DUSP19: variants seen among roughly 807,000 people sequenced by gnomAD.
The protein encoded by DUSP19 is dual specificity phosphatase 19.
A neutral mutation model predicts 16.6 loss-of-function variants in DUSP19; 14 were observed. The ratio of observed to expected loss-of-function variants is 0.84; its 90% CI spans 0.56 to 1.32. DUSP19 has a LOEUF of 1.32. DUSP19 is among the 40% of genes most tolerant of loss of function. The pLI, the probability that DUSP19 is intolerant of heterozygous loss-of-function variation, is 0.00. For synonymous variants in DUSP19, 81 were observed against 90.5 expected (o/e 0.90, Z 0.59); for missense variants, 258 against 255.9 (o/e 1.01, Z -0.06).
At chr2:183,094,869 T>C (rs1011529657) in intron 3 of DUSP19, among the ~76,000 whole-genome samples, 7 of 152,236 alleles carry the variant, frequency 4.6e-5, no homozygotes, top group African/African-American at 1.7e-4. Context: ...CTAAGTATAC[T>C]CTGGAGTATT....
At chr2:183,090,009 A>G (rs915678241) in intron 3 of DUSP19, among the ~76,000 whole-genome samples, 5 of 152,188 alleles carry the variant, frequency 3.3e-5, no homozygotes, top group African/African-American at 1.2e-4. Context: ...CCTGACGTCA[A>G]GTGATCCACC....
At chr2:183,088,449 A>T (rs1699691723) in intron 3 of DUSP19, among the ~76,000 whole-genome samples, 1 of 117,158 alleles carries the variant, frequency 8.5e-6, no homozygotes, top group Non-Finnish European at 1.7e-5. Context: ...CTCTGTCGCC[A>T]GGCTGGAGTG....
rs1329796752 is a variant in DUSP19 at position 183,097,011 on chromosome 2, A to G, written c.*1353A>G. The G allele has an allele frequency of 6.7e-6, 1 of 150,038 alleles. No homozygotes were observed. The highest frequency in any genetic ancestry group is 2.4e-5 in the African/African-American group (1 of 40,848). The allele number at this position is 150,038 out of a possible 1,614,324, so 9.3% of individuals were successfully genotyped here. A position where few individuals can be genotyped will look rare whatever the true frequency, so the allele number is the denominator to read the frequency against. ...ATACTTAAAATTAATTAATTAAGAC[A>G]GTTTCTTTTTTCTTTTCTTTTTTTT... On this transcript the variant is annotated 3_prime_UTR_variant, in exon 4 of 4. Coordinates refer to ENST00000354221, the MANE Select transcript of DUSP19 (RefSeq NM_080876.4).
At chr2:183,088,686 G>A (rs555759974) in intron 3 of DUSP19, among the ~76,000 whole-genome samples, 1 of 152,194 alleles carries the variant, frequency 6.6e-6, no homozygotes, top group Non-Finnish European at 1.5e-5. Flanking sequence ...GCCTCCCAAA[G>A]TGCTAGGATT....
rs1023006170 is a variant in DUSP19, at chr2:183,085,857, T to G, written c.274-1183T>G. Among the ~76,000 whole-genome samples, 192 of 106,858 alleles carry G rather than the reference T, an allele frequency of 1.8e-3. 11 individuals carry two copies. The highest frequency in any genetic ancestry group is 3.1e-3 in the African/African-American group (91 of 29,668). 70.1% of individuals were successfully genotyped at this position (106,858 alleles called of 152,430 possible). On this transcript the variant is annotated intron_variant, in intron 2 of 3. Transcript: ENST00000354221. ...GGACAAGGTTGTTAGGTTTTTTTTTTTTTTTTTTTTTTTTTTTTTTTTTTT... is the reference window on the plus strand; with the variant it reads ...GGACAAGGTTGTTAGGTTTTTTTTTGTTTTTTTTTTTTTTTTTTTTTTTTT...
In DUSP19 at chr2:183,098,473, A is replaced by T. The variant is rs1699832760; in HGVS notation, c.*2815A>T. The T allele has an allele frequency of 6.6e-6, 1 of 152,182 alleles. No homozygotes were observed. The highest frequency in any genetic ancestry group is 6.5e-5 in the Admixed American group (1 of 15,272). 9.4% of individuals were successfully genotyped at this position (152,182 alleles called of 1,614,324 possible). ...TCACTCTGTCATTCCTAGTTATTTTAAAAAAAGAACTTTATGATTACGGTC... is the reference window on the plus strand; with the variant it reads ...TCACTCTGTCATTCCTAGTTATTTTTAAAAAAGAACTTTATGATTACGGTC... On this transcript the variant is annotated 3_prime_UTR_variant, in exon 4 of 4. Transcript: ENST00000354221.
intron 3 of DUSP19, among the ~76,000 whole-genome samples, chr2:183,092,541 T>G (rs1414100876): frequency 6.6e-6 from 1 of 152,098 alleles, no homozygotes; most frequent in Non-Finnish European, 1.5e-5. Context: ...GGCTTCCAGC[T>G]CCATCTGTGT....
intron 1 of DUSP19, 95 bp from the exon 2 acceptor site, chr2:183,083,413 C>CTT: frequency 1.8e-5 from 20 of 1,102,222 alleles, no homozygotes; most frequent in East Asian, 5.9e-5. Flanking sequence ...AGTTGTTGGT[C>CTT]TTTTTTTTTT....
chr2:183,086,564 T>A (rs1328171881), intron 2 of DUSP19, among the ~76,000 whole-genome samples: 1 of 145,186 alleles, frequency 6.9e-6, no homozygotes, highest in Non-Finnish European at 1.5e-5. Context: ...GCCAGCACTG[T>A]GGGAGGCGGA....
rs1699836848 is a variant in DUSP19, at chr2:183,098,782, A to T, written c.*3124A>T. 1 of 152,186 alleles carries T rather than the reference A, an allele frequency of 6.6e-6. No homozygotes were observed. Among genetic ancestry groups the T allele is most frequent in the Admixed American group, 6.5e-5 (1 of 15,288 alleles). 9.4% of individuals were successfully genotyped at this position (152,186 alleles called of 1,614,324 possible). ...AGGTTAATTGAAGTTAATAATTTTT[A>T]AATTTTTTTCTAATTTTATGCCTTA... is the stretch of plus-strand genomic sequence containing the variant. On this transcript the variant is annotated 3_prime_UTR_variant, in exon 4 of 4. Coordinates refer to ENST00000354221, the MANE Select transcript of DUSP19 (RefSeq NM_080876.4).
chr2:183,079,126 C>T lies in DUSP19; in HGVS notation c.193C>T (p.Gln65Ter). ...TGTGCAGGACCTTAGCTCGGACCTG[C>T]AAGTTGGCGTTATTAAGCCATGGTT... ...GYVQDLSSDLQVGVIKPWLLL... is the reference protein window; with the variant it reads ...GYVQDLSSDL Residue 65 changes from glutamine (Q) to a stop codon, truncating the protein, a stop_gained, in exon 1 of 4, where the codon CAA becomes TAA. Coordinates refer to ENST00000354221, the MANE Select transcript of DUSP19 (RefSeq NM_080876.4). LOFTEE classifies it high-confidence loss of function. 3.7e-6 allele frequency: 6 copies of T among 1,613,884 alleles called. No individual in the cohort carries two copies. Among genetic ancestry groups the T allele is most frequent in the Non-Finnish European group, 5.1e-6 (6 of 1,179,916 alleles).
At chr2:183,086,964 A>T in intron 2 of DUSP19, 76 bp from the exon 3 acceptor site, 2 of 1,432,006 alleles carry the variant, frequency 1.4e-6, no homozygotes, top group South Asian at 2.5e-5. Flanking sequence ...TGTTATAGAT[A>T]TCAACACCCC....
At chr2:183,084,912 T>C (rs1165388630) in intron 2 of DUSP19, among the ~76,000 whole-genome samples, 2 of 152,114 alleles carry the variant, frequency 1.3e-5, no homozygotes, top group Non-Finnish European at 2.9e-5. Context: ...TTTGATTACT[T>C]ATGAGGCAGG....
chr2:183,095,925 T>C lies in DUSP19; in HGVS notation c.*267T>C. On this transcript the variant is annotated 3_prime_UTR_variant, in exon 4 of 4. Coordinates refer to ENST00000354221, the MANE Select transcript of DUSP19 (RefSeq NM_080876.4). ...CAAAGTGTTAGTAATCATTGCTTTC[T>C]GTAGAAGAAAAAGGTTTAAATTTAA... 4.2e-6 allele frequency: 1 copy of C among 237,540 alleles called. No individual in the cohort carries two copies. Among genetic ancestry groups the C allele is most frequent in the Non-Finnish European group, 8.1e-6 (1 of 123,684 alleles). The allele number at this position is 237,540 out of a possible 1,614,324, so 14.7% of individuals were successfully genotyped here. A position where few individuals can be genotyped will look rare whatever the true frequency, so the allele number is the denominator to read the frequency against.
intron 3 of DUSP19, 51 bp from the exon 4 acceptor site, chr2:183,095,380 A>C (rs1699784183): frequency 6.8e-7 from 1 of 1,470,448 alleles, no homozygotes; most frequent in African/African-American, 1.4e-5. Flanking sequence ...TTGATATAAT[A>C]ACCTTTCTCA....
At chr2:183,086,778 G>A (rs113278770) in intron 2 of DUSP19, among the ~76,000 whole-genome samples, 75 of 151,838 alleles carry the variant, frequency 4.9e-4, no homozygotes, top group African/African-American at 1.8e-3. Context: ...GCCTATGATT[G>A]CATCATTGCA....
rs1217795996 is a variant in DUSP19 at position 183,099,524 on chromosome 2, A to G, written c.*3866A>G. 1.3e-5 allele frequency: 2 copies of G among 152,182 alleles called. No individual in the cohort carries two copies. Among genetic ancestry groups the G allele is most frequent in the African/African-American group, 2.4e-5 (1 of 41,462 alleles). The allele number at this position is 152,182 out of a possible 1,614,324, so 9.4% of individuals were successfully genotyped here. ...AAATAACTTATAGTTAGACTTTTCTATTTCAAGTAAAGCTTTGAGTTACTT... is the reference window on the plus strand; with the variant it reads ...AAATAACTTATAGTTAGACTTTTCTGTTTCAAGTAAAGCTTTGAGTTACTT... On this transcript the variant is annotated 3_prime_UTR_variant, in exon 4 of 4. Coordinates refer to ENST00000354221, the MANE Select transcript of DUSP19 (RefSeq NM_080876.4).
At chr2:183,083,908 C>T (rs946685528) in intron 2 of DUSP19, among the ~76,000 whole-genome samples, 2 of 152,156 alleles carry the variant, frequency 1.3e-5, no homozygotes, top group Non-Finnish European at 2.9e-5. Context: ...TCACATACCA[C>T]GTCTTCTGTA....
At chr2:183,094,973 C>T (rs1171128773) in intron 3 of DUSP19, among the ~76,000 whole-genome samples, 2 of 152,032 alleles carry the variant, frequency 1.3e-5, no homozygotes, top group African/African-American at 2.4e-5. Flanking sequence ...CACTTATCTA[C>T]TAAGTTGTTA....
Sources: allele counts gnomAD v4.1 joint callset (sites outside exome capture counted in the v4.1 genomes callset), GRCh38; gene constraint gnomAD v4.1.1; transcripts MANE v1.5; gene names NCBI Gene and HGNC (gene_info 2026-07-23, HGNC 2026-07-21).